The following NPTXR variants were observed in gnomAD, a reference collection of about 807,000 sequenced individuals.
NPTXR encodes neuronal pentraxin receptor.
NPTXR carries 12 observed loss-of-function variants against 32.2 expected under a neutral mutation model. The observed-to-expected ratio is 0.37, with a 90% CI of 0.24 to 0.60. The LOEUF (loss-of-function observed/expected upper bound fraction) is 0.60, where lower values mean the gene tolerates loss of function less well. Ranked by LOEUF, NPTXR falls within the 20% of genes least tolerant of loss-of-function variation. The pLI, the probability that NPTXR is intolerant of heterozygous loss-of-function variation, is 0.66. For missense variants in NPTXR, 612 were observed against 682.9 expected, an observed-to-expected ratio of 0.90 and a Z score of 1.16; for synonymous variants, 323 against 315.8, an observed-to-expected ratio of 1.02 and a Z score of -0.24.
At chr22:38,825,967 C>T (rs1330080306) in intron 3 of NPTXR, among the ~76,000 whole-genome samples, 4 of 152,098 alleles carry the variant, frequency 2.6e-5, no homozygotes, top group East Asian at 1.9e-4. Context: ...CTCAGCCTCC[C>T]GAGTAGCTGG....
rs1427881369 is a variant in NPTXR, at chr22:38,843,022, C to A, written c.624+213G>T. Among the ~76,000 whole-genome samples, 1 of 152,204 alleles carries A rather than the reference C, an allele frequency of 6.6e-6. No homozygotes were observed. Among genetic ancestry groups the A allele is most frequent in the East Asian group, 1.9e-4 (1 of 5,188 alleles). On this transcript the variant is annotated intron_variant, in intron 1 of 4. Transcript: ENST00000333039. The surrounding 1 kb of genome is among the most constrained non-coding windows in gnomAD (Gnocchi z 5.3). ...CCTGGAGACGGAAAAGGGTGGGGAG[C>A]GAATCTTTCTGGCGCGCCCTCTGTG... is the stretch of plus-strand genomic sequence containing the variant.
At chr22:38,824,087 C>G (rs1362913645) in intron 3 of NPTXR, among the ~76,000 whole-genome samples, 3 of 151,904 alleles carry the variant, frequency 2.0e-5, no homozygotes, top group Admixed American at 2.0e-4. Flanking sequence ...AGCAATTCTC[C>G]TCCCTCAGCC....
chr22:38,841,881 C>A (rs1183588709), intron 1 of NPTXR, among the ~76,000 whole-genome samples: 1 of 152,196 alleles, frequency 6.6e-6, no homozygotes, highest in African/African-American at 2.4e-5. Flanking sequence ...CCTAGAAATC[C>A]CCCAGAGCTG....
rs1315014472 is a variant in NPTXR, at chr22:38,843,527, T to C, written c.332A>G (p.Asp111Gly). The change falls in exon 1 of 5, where the codon GAC becomes GGC. Residue 111 changes from aspartate (D) to glycine (G), a missense_variant. Asp to Gly is a moderately conservative substitution (Grantham distance 94). Coordinates refer to ENST00000333039, the MANE Select transcript of NPTXR (RefSeq NM_014293.4). This position sits in a 1 kb window ranked among gnomAD's most constrained non-coding sequence, Gnocchi z 5.3. ...CTCGCCCGGCGCAGCGCCCGCCGCG[T>C]CCCCCTGCTGGGCCCCCGACGGGCA... 1 of 1,265,028 alleles carries C rather than the reference T, an allele frequency of 7.9e-7. No homozygotes were observed. Among genetic ancestry groups the C allele is most frequent in the Non-Finnish European group, 9.9e-7 (1 of 1,006,860 alleles). The allele number at this position is 1,265,028 out of a possible 1,614,324, so 78.4% of individuals were successfully genotyped here. A position where few individuals can be genotyped will look rare whatever the true frequency, so the allele number is the denominator to read the frequency against.
At chr22:38,833,592 C>A (rs1447463704) in intron 1 of NPTXR, among the ~76,000 whole-genome samples, 1 of 151,648 alleles carries the variant, frequency 6.6e-6, no homozygotes, top group Non-Finnish European at 1.5e-5. Flanking sequence ...ACAGAAAGCG[C>A]TTAGTGCGCG....
At chr22:38,839,393 C>T (rs536970558) in intron 1 of NPTXR, among the ~76,000 whole-genome samples, 71 of 152,316 alleles carry the variant, frequency 4.7e-4, no homozygotes, top group Admixed American at 1.5e-3. Context: ...GCCTGTAATC[C>T]CAGCACTTTG....
At chr22:38,831,518 G>A (rs1397594204) in intron 1 of NPTXR, among the ~76,000 whole-genome samples, 1 of 152,164 alleles carries the variant, frequency 6.6e-6, no homozygotes, top group African/African-American at 2.4e-5. Context: ...CCAACTGTGG[G>A]GCTTGACTAC....
chr22:38,843,523 C>T lies in NPTXR; in HGVS notation c.336G>A (p.Ala112=). Residue 112 remains alanine (A), a synonymous_variant, in exon 1 of 5, where the codon GCG becomes GCA. Transcript: ENST00000333039. This position sits in a 1 kb window ranked among gnomAD's most constrained non-coding sequence, Gnocchi z 5.3. ...CGCGCTCGCCCGGCGCAGCGCCCGCCGCGTCCCCCTGCTGGGCCCCCGACG... is the reference window on the plus strand; with the variant it reads ...CGCGCTCGCCCGGCGCAGCGCCCGCTGCGTCCCCCTGCTGGGCCCCCGACG... 7.9e-7 allele frequency: 1 copy of T among 1,268,394 alleles called. No individual in the cohort carries two copies. Among genetic ancestry groups the T allele is most frequent in the Non-Finnish European group, 9.9e-7 (1 of 1,008,552 alleles). The allele number at this position is 1,268,394 out of a possible 1,614,324, so 78.6% of individuals were successfully genotyped here. A position where few individuals can be genotyped will look rare whatever the true frequency, so the allele number is the denominator to read the frequency against.
At chr22:38,839,143 A>T (rs1027784524) in intron 1 of NPTXR, among the ~76,000 whole-genome samples, 1 of 152,194 alleles carries the variant, frequency 6.6e-6, no homozygotes, top group African/African-American at 2.4e-5. Context: ...TTTGGCTCCC[A>T]CTCCAGGATG....
In NPTXR at chr22:38,836,858, A is replaced by G. The variant is rs904199674; in HGVS notation, c.624+6377T>C. ...GAGATGGAGTCTTGCTCTGTCGCCC[A>G]GGCTGTAGTGCAGTGGTGCAATCTC... is the stretch of plus-strand genomic sequence containing the variant. On this transcript the variant is annotated intron_variant, in intron 1 of 4. Coordinates refer to ENST00000333039, the MANE Select transcript of NPTXR (RefSeq NM_014293.4). Among the ~76,000 whole-genome samples the G allele has an allele frequency of 2.0e-5, 3 of 152,142 alleles. No individual in the cohort carries two copies. In the East Asian group the frequency reaches 5.8e-4, roughly 29 times the overall value.
intron 1 of NPTXR, among the ~76,000 whole-genome samples, chr22:38,836,751 A>T (rs140840001): frequency 2.0e-5 from 3 of 152,192 alleles, no homozygotes; most frequent in African/African-American, 7.2e-5. Context: ...GAGATCTGTG[A>T]CCTCTTCCGT....
intron 1 of NPTXR, among the ~76,000 whole-genome samples, chr22:38,840,094 C>T (rs1248319217): frequency 2.0e-5 from 3 of 152,240 alleles, no homozygotes; most frequent in African/African-American, 7.2e-5. Context: ...TTAAATGTGG[C>T]TCCCACTTGA....
chr22:38,836,025 GCCAATAAACATAAGAAAAGGT>G, intron 1 of NPTXR, among the ~76,000 whole-genome samples: 1 of 152,070 alleles, frequency 6.6e-6, no homozygotes, highest in African/African-American at 2.4e-5. Flanking sequence ...TTACAAAATG[GCCAATAAACATAAGAAAAGGT>G]GCTCAACGTC....
At chr22:38,824,397 C>T (rs1603244738) in intron 3 of NPTXR, among the ~76,000 whole-genome samples, 1 of 152,022 alleles carries the variant, frequency 6.6e-6, no homozygotes, top group East Asian at 1.9e-4. Context: ...TGAGCTGAGT[C>T]TGCAGGAGGG....
rs958164714 is a variant in NPTXR, at chr22:38,822,238, C to T, written c.*371G>A. 3.8e-6 allele frequency: 1 copy of T among 260,464 alleles called. No homozygotes were observed. Among genetic ancestry groups the T allele is most frequent in the Non-Finnish European group, 7.6e-6 (1 of 132,252 alleles). The allele number at this position is 260,464 out of a possible 1,614,324, so 16.1% of individuals were successfully genotyped here. On this transcript the variant is annotated 3_prime_UTR_variant, in exon 5 of 5. Coordinates refer to ENST00000333039, the MANE Select transcript of NPTXR (RefSeq NM_014293.4). ...GGGGGACAAGGGGGCGGGCGGCCAC[C>T]CCCACCACTGAGATAGTGGGGTCCC...
In NPTXR at chr22:38,818,972, G is replaced by A. The variant is rs1470786976; in HGVS notation, c.*3637C>T. On this transcript the variant is annotated 3_prime_UTR_variant, in exon 5 of 5. Transcript: ENST00000333039. The surrounding 1 kb of genome is among the most constrained non-coding windows in gnomAD (Gnocchi z 4.5). ...CCCGTGTCCAGCTGGGTGGCCTTGA[G>A]GGTCGCTCCCCTCCCCGGGCTTCAG... 1 of 152,348 alleles carries A rather than the reference G, an allele frequency of 6.6e-6. No individual in the cohort carries two copies. 9.4% of individuals were successfully genotyped at this position (152,348 alleles called of 1,614,324 possible). A position where few individuals can be genotyped will look rare whatever the true frequency, so the allele number is the denominator to read the frequency against.
intron 3 of NPTXR, 95 bp from the exon 4 acceptor site, chr22:38,823,357 A>ATC: frequency 8.5e-7 from 1 of 1,182,428 alleles, no homozygotes; most frequent in Non-Finnish European, 1.2e-6. Flanking sequence ...ACCCATGTCC[A>ATC]TCCTTCCAGG....
chr22:38,828,232 T>C, intron 2 of NPTXR, 55 bp downstream of exon 2: 1 of 1,439,428 alleles, frequency 6.9e-7, no homozygotes, highest in Non-Finnish European at 9.7e-7. Context: ...ATTTTTTGAA[T>C]GGCTCTGTCA....
chr22:38,840,821 G>A (rs1286617579), intron 1 of NPTXR, among the ~76,000 whole-genome samples: 2 of 152,106 alleles, frequency 1.3e-5, no homozygotes, highest in African/African-American at 4.8e-5. Flanking sequence ...TGCCTTAAAG[G>A]AGGAGGACCC....
Sources: gnomAD v4.1 joint callset for allele counts (sites outside exome capture counted in the v4.1 genomes callset) on GRCh38, gnomAD v4.1.1 for gene constraint, Gnocchi (gnomAD v3.1) non-coding constraint, MANE v1.5 for transcripts, NCBI Gene and HGNC (gene_info 2026-07-23, HGNC 2026-07-21) for gene names.